The following NECTIN4 variants were observed in gnomAD, a reference collection of about 807,000 sequenced individuals.
NECTIN4 encodes nectin-4.
A neutral mutation model predicts 51.7 loss-of-function variants in NECTIN4; 19 were observed. That is an observed-to-expected ratio of 0.37 (90% CI 0.26 to 0.54). NECTIN4 has a LOEUF of 0.54. NECTIN4 is among the 20% of genes least tolerant of loss of function. The pLI, the probability that NECTIN4 is intolerant of heterozygous loss-of-function variation, is 0.86. For synonymous variants in NECTIN4, 283 were observed against 286.9 expected (o/e 0.99, Z 0.14); for missense variants, 619 against 662.4 (o/e 0.93, Z 0.72).
At chr1:161,074,569 T>C (rs777795712) in intron 5 of NECTIN4, 42 bp downstream of exon 5, 1 of 1,613,334 alleles carries the variant, frequency 6.2e-7, no homozygotes, top group Admixed American at 1.7e-5. Flanking sequence ...CACCAAGCCC[T>C]TGGCCCAGGT....
intron 2 of NECTIN4, among the ~76,000 whole-genome samples, chr1:161,078,646 A>C (rs1275637729): frequency 1.3e-5 from 2 of 152,046 alleles, no homozygotes; most frequent in African/African-American, 4.8e-5. Flanking sequence ...ATTAACACAG[A>C]ATGGAAAAGA....
chr1:161,074,505 C>T, intron 5 of NECTIN4, 106 bp downstream of exon 5: 1 of 1,579,360 alleles, frequency 6.3e-7, no homozygotes, highest in Non-Finnish European at 8.7e-7. Context: ...GCCCAGCCCC[C>T]TCTGAATAAA....
rs1180890406 is a variant in NECTIN4 at position 161,073,012 on chromosome 1, T to G, written c.1309-127A>C. The G allele has an allele frequency of 8.8e-6, 9 of 1,018,958 alleles. No individual in the cohort carries two copies. The East Asian group carries it at 1.3e-4, about 15-fold the overall frequency. The allele number at this position is 1,018,958 out of a possible 1,614,324, so 63.1% of individuals were successfully genotyped here. A position where few individuals can be genotyped will look rare whatever the true frequency, so the allele number is the denominator to read the frequency against. On this transcript the variant is annotated intron_variant, in intron 8 of 8. Transcript: ENST00000368012. Reference sequence around the variant, plus strand: ...AGGGGTAACGGTTGCCTCAGAAGCATAGGGGCCCAGAGATCGGGGACCAGG... The same window carrying G: ...AGGGGTAACGGTTGCCTCAGAAGCAGAGGGGCCCAGAGATCGGGGACCAGG...
chr1:161,073,311 A>AGACACG lies in NECTIN4; in HGVS notation c.1234-18_1234-13dup. On this transcript the variant is annotated splice_polypyrimidine_tract_variant and intron_variant, in intron 7 of 8. Coordinates refer to ENST00000368012, the MANE Select transcript of NECTIN4 (RefSeq NM_030916.3). ...ACACTCTCCTCCGGCTGCAGGGCCC[A>AGACACG]GACACGGGGCAGTTAGAACAGGGCT... The AGACACG allele has an allele frequency of 6.2e-7, 1 of 1,613,180 alleles. No homozygotes were observed. Among genetic ancestry groups the AGACACG allele is most frequent in the African/African-American group, 1.3e-5 (1 of 75,018 alleles).
chr1:161,082,780 G>T (rs779788325), intron 1 of NECTIN4, among the ~76,000 whole-genome samples: 1 of 152,084 alleles, frequency 6.6e-6, no homozygotes, highest in Non-Finnish European at 1.5e-5. Context: ...AAAGAACAGG[G>T]CTGCCAAGGA....
chr1:161,079,461 T>C (rs1653565257), intron 2 of NECTIN4, 129 bp downstream of exon 2: 1 of 1,254,258 alleles, frequency 8.0e-7, no homozygotes. Flanking sequence ...TGGATGAAGC[T>C]CCCTCACCTG....
chr1:161,086,012 A>G (rs889862400), intron 1 of NECTIN4, among the ~76,000 whole-genome samples: 1 of 151,962 alleles, frequency 6.6e-6, no homozygotes. Context: ...CTCTTCCCAA[A>G]TTAAGACCCT....
chr1:161,073,880 G>C, intron 6 of NECTIN4, 85 bp from the exon 7 acceptor site: 1 of 1,258,988 alleles, frequency 7.9e-7, no homozygotes, highest in African/African-American at 1.5e-5. Flanking sequence ...TAGTGAGACA[G>C]GCCCGGAGGG....
chr1:161,079,742 C>A lies in NECTIN4; in HGVS notation c.287G>T (p.Gly96Val). ...TGGGGGCGGCGGCTGCTCCACGCGG[C>A]CCTCGTAAGCCGGGCTCACATGAAG... ...YGLHVSPAYE[G>V]RVEQPPPPRN... is the part of the protein sequence containing the mutation. The change falls in exon 2 of 9, where the codon GGC becomes GTC. Residue 96 changes from glycine (G) to valine (V), a missense_variant. Transcript: ENST00000368012. 6.2e-7 allele frequency: 1 copy of A among 1,610,670 alleles called. No homozygotes were observed. The highest frequency in any genetic ancestry group is 1.1e-5 in the South Asian group (1 of 91,086).
chr1:161,073,616 G>T, intron 7 of NECTIN4, 104 bp downstream of exon 7: 2 of 1,066,592 alleles, frequency 1.9e-6, no homozygotes, highest in Non-Finnish European at 1.5e-6. Flanking sequence ...GTCAGTGGCT[G>T]ACCCAGCAGA....
At chr1:161,075,221 A>G (rs1653364248) in intron 4 of NECTIN4, among the ~76,000 whole-genome samples, 1 of 152,216 alleles carries the variant, frequency 6.6e-6, no homozygotes. Context: ...GAACATGCCC[A>G]TGATGTGCTC....
chr1:161,072,488 A>G lies in NECTIN4; in HGVS notation c.*173T>C. The G allele has an allele frequency of 1.5e-6, 1 of 667,126 alleles. No individual in the cohort carries two copies. Among genetic ancestry groups the G allele is most frequent in the Non-Finnish European group, 2.7e-6 (1 of 367,634 alleles). 41.3% of individuals were successfully genotyped at this position (667,126 alleles called of 1,614,324 possible). Reference sequence around the variant, plus strand: ...CTGCATGCATGGTGGGAGAGACTCAATTGGTGGAGCCCTCCCGATGAACAG... The same window carrying G: ...CTGCATGCATGGTGGGAGAGACTCAGTTGGTGGAGCCCTCCCGATGAACAG... On this transcript the variant is annotated 3_prime_UTR_variant, in exon 9 of 9. Transcript: ENST00000368012.
intron 7 of NECTIN4, 140 bp downstream of exon 7, chr1:161,073,580 T>C: frequency 6.9e-6 from 6 of 869,634 alleles, no homozygotes; most frequent in Non-Finnish European, 1.2e-5. Context: ...CCCTCTCAAC[T>C]CTACCCCGGC....
chr1:161,084,736 A>T (rs1311818742), intron 1 of NECTIN4: 1 of 152,172 alleles, frequency 6.6e-6, no homozygotes, highest in African/African-American at 2.4e-5. Flanking sequence ...CCCCCCAAGG[A>T]GGCCTCTCCC....
Position 161,077,542 on chromosome 1 carries a change from C to T in NECTIN4, c.641G>A (p.Arg214His), listed in dbSNP as rs1653470199. ...VTSEFHLVPS[R>H]SMNGQPLTCV... Reference sequence around the variant, plus strand: ...AGTCAGTGGCTGCCCATTCATGCTGCGGCTAGGCACCAAGTGGAACTCTGA... The same window carrying T: ...AGTCAGTGGCTGCCCATTCATGCTGTGGCTAGGCACCAAGTGGAACTCTGA... The change falls in exon 3 of 9, where the codon CGC (arginine) becomes CAC (histidine). Residue 214 changes from arginine to histidine, a missense_variant. Arg to His is a conservative substitution (Grantham distance 29). This residue lies in a region of NECTIN4 where 364 missense variants were observed against 415.7 expected (regional missense o/e 0.88). Transcript: ENST00000368012. 1 of 1,614,024 alleles carries T rather than the reference C, an allele frequency of 6.2e-7. No individual in the cohort carries two copies. Among genetic ancestry groups the T allele is most frequent in the Non-Finnish European group, 8.5e-7 (1 of 1,180,028 alleles).
intron 1 of NECTIN4, among the ~76,000 whole-genome samples, chr1:161,084,165 T>C (rs141491890): frequency 0.012 from 1,845 of 152,328 alleles, 29 homozygotes; most frequent in South Asian, 0.057. Context: ...GAGGCTATCT[T>C]CTTGCATAAA....
intron 2 of NECTIN4, among the ~76,000 whole-genome samples, chr1:161,078,780 G>A (rs1653530288): frequency 6.6e-6 from 1 of 151,936 alleles, no homozygotes. Context: ...GGGAGGCCAA[G>A]ACGAGCGGAT....
intron 7 of NECTIN4, 129 bp downstream of exon 7, chr1:161,073,591 C>T (rs1269002020): frequency 8.6e-6 from 8 of 927,062 alleles, no homozygotes; most frequent in Non-Finnish European, 1.4e-5. Context: ...CTACCCCGGC[C>T]AACCCCAGCT....
chr1:161,083,553 T>C (rs930882632), intron 1 of NECTIN4, among the ~76,000 whole-genome samples: 1 of 152,190 alleles, frequency 6.6e-6, no homozygotes, highest in South Asian at 2.1e-4. Context: ...CTGAGGCTGG[T>C]GGACTCCGGC....
Sources: allele counts gnomAD v4.1 joint callset (sites outside exome capture counted in the v4.1 genomes callset), GRCh38; gene constraint gnomAD v4.1.1; regional missense constraint gnomAD v4.1.1; transcripts MANE v1.5; gene names NCBI Gene and HGNC (gene_info 2026-07-23, HGNC 2026-07-21).